DCDC1: variants seen among roughly 807,000 people sequenced by gnomAD.
DCDC1 encodes doublecortin domain-containing protein 1.
A neutral mutation model predicts 178.3 loss-of-function variants in DCDC1; 200 were observed. The ratio of observed to expected loss-of-function variants is 1.12; its 90% confidence interval spans 1.00 to 1.26. The LOEUF is 1.26. Among genes scored for constraint, DCDC1 ranks in the 50% most tolerant of loss-of-function variants. The pLI is 0.00. For synonymous variants in DCDC1, 690 were observed against 604.8 expected (o/e 1.14, Z -2.07); for missense variants, 1,983 against 1,749.2 (o/e 1.13, Z -2.38).
intron 9 of DCDC1, among the ~76,000 whole-genome samples, chr11:31,232,064 A>G (rs949313884): frequency 3.9e-5 from 6 of 152,184 alleles, no homozygotes; most frequent in Admixed American, 6.5e-5. Flanking sequence ...TACATTCAAA[A>G]TAGGCCACAA....
intron 9 of DCDC1, among the ~76,000 whole-genome samples, chr11:31,143,938 A>G (rs1050540402): frequency 2.0e-5 from 3 of 152,172 alleles, no homozygotes; most frequent in African/African-American, 7.2e-5. Flanking sequence ...CTTTGATCAC[A>G]GTCTGCAGCT....
intron 7 of DCDC1, among the ~76,000 whole-genome samples, chr11:31,280,464 T>C (rs1946344729): frequency 6.6e-6 from 1 of 152,194 alleles, no homozygotes; most frequent in African/African-American, 2.4e-5. Context: ...ATTTACTGAA[T>C]TCGAATTACT....
intron 20 of DCDC1, among the ~76,000 whole-genome samples, chr11:30,959,178 T>C (rs574263028): frequency 8.5e-5 from 13 of 152,202 alleles, no homozygotes; most frequent in African/African-American, 3.1e-4. Flanking sequence ...GCAAACCCTT[T>C]TTGAGTCATT....
At chr11:30,986,334 CTCTT>C (rs1950642181) in intron 20 of DCDC1, among the ~76,000 whole-genome samples, 1 of 142,790 alleles carries the variant, frequency 7.0e-6, no homozygotes, top group Admixed American at 6.8e-5. Flanking sequence ...TTTTCTCTCT[CTCTT>C]TTTTTTTTTT....
chr11:31,258,306 G>T (rs950926877), intron 8 of DCDC1, among the ~76,000 whole-genome samples: 2 of 152,138 alleles, frequency 1.3e-5, no homozygotes, highest in African/African-American at 4.8e-5. Flanking sequence ...TTTGAACAAA[G>T]GATGCTATTG....
At chr11:30,868,088 CT>C (rs1161601170) in intron 38 of DCDC1, among the ~76,000 whole-genome samples, 1 of 152,012 alleles carries the variant, frequency 6.6e-6, no homozygotes, top group Non-Finnish European at 1.5e-5. Flanking sequence ...CAGAATAAGC[CT>C]TTGTCATTGA....
At chr11:31,348,815 C>T (rs1288277606) in intron 1 of DCDC1, among the ~76,000 whole-genome samples, 1 of 152,182 alleles carries the variant, frequency 6.6e-6, no homozygotes, top group Non-Finnish European at 1.5e-5. Flanking sequence ...AAGAAAGACA[C>T]TTGATTTCTT....
intron 2 of DCDC1, among the ~76,000 whole-genome samples, chr11:31,329,208 T>C (rs1949822104): frequency 6.6e-6 from 1 of 151,936 alleles, no homozygotes; most frequent in African/African-American, 2.4e-5. Context: ...ACCTTCCCCA[T>C]TGAGATGAAG....
intron 20 of DCDC1, among the ~76,000 whole-genome samples, chr11:31,006,107 T>C (rs917740284): frequency 6.6e-6 from 1 of 152,094 alleles, no homozygotes; most frequent in Non-Finnish European, 1.5e-5. Flanking sequence ...CACTAATATA[T>C]CCATTATCAG....
intron 1 of DCDC1, among the ~76,000 whole-genome samples, chr11:31,357,948 A>T (rs1951476643): frequency 6.6e-6 from 1 of 152,232 alleles, no homozygotes; most frequent in Non-Finnish European, 1.5e-5. Flanking sequence ...AGGATACAAC[A>T]AACGGAAGAA....
At chr11:31,040,745 C>T (rs954611992) in intron 20 of DCDC1, among the ~76,000 whole-genome samples, 22 of 152,080 alleles carry the variant, frequency 1.4e-4, no homozygotes, top group African/African-American at 4.8e-4. Flanking sequence ...GTTAGCCACA[C>T]TTCAGAAGGA....
chr11:31,126,017 G>A (rs1296215354), intron 11 of DCDC1, among the ~76,000 whole-genome samples: 1 of 152,088 alleles, frequency 6.6e-6, no homozygotes, highest in Non-Finnish European at 1.5e-5. Context: ...CCCAGCCCAT[G>A]TGCCAATATG....
chr11:31,197,860 C>A (rs1970864910), intron 9 of DCDC1, among the ~76,000 whole-genome samples: 3 of 151,952 alleles, frequency 2.0e-5, no homozygotes, highest in African/African-American at 2.4e-5. Context: ...AATAATGGCC[C>A]CAGCACTTAC....
chr11:30,989,023 C>A (rs1005712646), intron 20 of DCDC1, among the ~76,000 whole-genome samples: 1 of 152,098 alleles, frequency 6.6e-6, no homozygotes, highest in Non-Finnish European at 1.5e-5. Flanking sequence ...ATTTCTATGG[C>A]ATTCCAATTC....
At chr11:30,902,772 C>T (rs1944783125) in intron 32 of DCDC1, among the ~76,000 whole-genome samples, 1 of 152,114 alleles carries the variant, frequency 6.6e-6, no homozygotes, top group Non-Finnish European at 1.5e-5. Context: ...CTAAATTATG[C>T]CTCTCAGTAC....
At chr11:31,062,045 A>C (rs2135469454) in intron 20 of DCDC1, among the ~76,000 whole-genome samples, 1 of 152,254 alleles carries the variant, frequency 6.6e-6, no homozygotes, top group African/African-American at 2.4e-5. Context: ...AAATATTTTT[A>C]AGCATGGGAA....
At chr11:31,237,551 G>A (rs1026267753) in intron 9 of DCDC1, among the ~76,000 whole-genome samples, 3 of 151,126 alleles carry the variant, frequency 2.0e-5, no homozygotes, top group East Asian at 1.9e-4. Context: ...TAAATCACTC[G>A]GGCCAAAAAT....
At chr11:31,212,604 T>TCTCTCTCTCTCTCTCTCTCTCTCTCTC (rs1972703361) in intron 9 of DCDC1, among the ~76,000 whole-genome samples, 1 of 152,262 alleles carries the variant, frequency 6.6e-6, no homozygotes, top group African/African-American at 2.4e-5. Flanking sequence ...AATTAACAGA[T>TCTCTCTCTCTCTCTCTCTCTCTCTCTC]TTTTCAAATG....
At chr11:31,351,271 T>A (rs1951059711) in intron 1 of DCDC1, among the ~76,000 whole-genome samples, 1 of 152,146 alleles carries the variant, frequency 6.6e-6, no homozygotes, top group South Asian at 2.1e-4. Flanking sequence ...AATACTAAAG[T>A]AAATAGAATG....
Sources: allele counts gnomAD v4.1 joint callset (sites outside exome capture counted in the v4.1 genomes callset), GRCh38; gene constraint gnomAD v4.1.1; transcripts MANE v1.5; gene names NCBI Gene and HGNC (gene_info 2026-07-23, HGNC 2026-07-21).